Variants in CALB1 observed in about 807,000 individuals in gnomAD.
CALB1 encodes calbindin.
In CALB1, 16 loss-of-function variants were observed where a neutral mutation model predicts 46.7. The ratio of observed to expected loss-of-function variants is 0.34; its 90% confidence interval spans 0.23 to 0.52. The LOEUF (loss-of-function observed/expected upper bound fraction) is 0.52, where lower values mean the gene tolerates loss of function less well. Ranked by LOEUF, CALB1 falls within the 20% of genes least tolerant of loss-of-function variation. The pLI is 0.95. For missense variants in CALB1, 224 were observed against 300.3 expected (o/e 0.75, Z 1.88); for synonymous variants, 90 against 112.8 (o/e 0.80, Z 1.28).
rs368927419 is a variant in CALB1 at position 90,060,607 on chromosome 8, A to C, written c.672+22T>G. 59 of 1,593,820 alleles carry C rather than the reference A, an allele frequency of 3.7e-5. No homozygotes were observed. The African/African-American group carries it at 7.1e-4, about 19-fold the overall frequency. On this transcript the variant is annotated intron_variant, in intron 10 of 10. Coordinates refer to ENST00000265431, the MANE Select transcript of CALB1 (RefSeq NM_004929.4). ...TCCACAGAGTCTGCTTAAAGAAGTA[A>C]GTGCCATGGTAACTAAGTTACCTGT...
At chr8:90,060,778 G>T in intron 9 of CALB1, 78 bp from the exon 10 acceptor site, 1 of 1,182,830 alleles carries the variant, frequency 8.5e-7, no homozygotes. Flanking sequence ...GGAAATAATT[G>T]GAATCCTTAG....
At chr8:90,075,990 A>G (rs146242472) in intron 3 of CALB1, among the ~76,000 whole-genome samples, 130 of 152,188 alleles carry the variant, frequency 8.5e-4, no homozygotes, top group African/African-American at 2.6e-3. Flanking sequence ...TTCGGGCTTC[A>G]GTTTCTTCAT....
At chr8:90,072,918 G>A (rs1224322935) in intron 3 of CALB1, among the ~76,000 whole-genome samples, 1 of 152,112 alleles carries the variant, frequency 6.6e-6, no homozygotes, top group Non-Finnish European at 1.5e-5. Flanking sequence ...ATGAGTGGAA[G>A]GCAGGTAGCT....
At chr8:90,071,108 T>C (rs1302143450) in intron 3 of CALB1, among the ~76,000 whole-genome samples, 2 of 152,166 alleles carry the variant, frequency 1.3e-5, no homozygotes, top group East Asian at 3.9e-4. Flanking sequence ...TATTAGTAGA[T>C]TAAGTCAACA....
In CALB1 at chr8:90,078,268, A is replaced by G. The variant is rs988973548; in HGVS notation, c.231+105T>C. Reference sequence around the variant, plus strand: ...GATAATGTATTACTTAGGTAAAATAAACTGTACTGAATGGGTCTTGCTATA... The same window carrying G: ...GATAATGTATTACTTAGGTAAAATAGACTGTACTGAATGGGTCTTGCTATA... On this transcript the variant is annotated intron_variant, in intron 3 of 10. Coordinates refer to ENST00000265431, the MANE Select transcript of CALB1 (RefSeq NM_004929.4). 4.3e-5 allele frequency: 29 copies of G among 679,190 alleles called. No individual in the cohort carries two copies. In the African/African-American group the frequency reaches 5.3e-4, roughly 12 times the overall value. 42.1% of individuals were successfully genotyped at this position (679,190 alleles called of 1,614,324 possible).
At chr8:90,063,519 A>G (rs113668836) in intron 6 of CALB1, 58 bp from the exon 7 acceptor site, 1 of 1,400,284 alleles carries the variant, frequency 7.1e-7, no homozygotes, top group Middle Eastern at 2.1e-4. Context: ...TGCATGAAGG[A>G]GATGAACTTC....
chr8:90,077,101 C>A (rs890826300), intron 3 of CALB1, among the ~76,000 whole-genome samples: 1 of 151,850 alleles, frequency 6.6e-6, no homozygotes, highest in Non-Finnish European at 1.5e-5. Context: ...TTAGATTTAC[C>A]TCATCTCATT....
At chr8:90,069,705 G>A (rs1276669221) in intron 3 of CALB1, among the ~76,000 whole-genome samples, 1 of 152,134 alleles carries the variant, frequency 6.6e-6, no homozygotes, top group Non-Finnish European at 1.5e-5. Context: ...AGTGAAGGGG[G>A]AAAATGTATT....
chr8:90,073,755 C>G (rs1331782050), intron 3 of CALB1, among the ~76,000 whole-genome samples: 2 of 152,180 alleles, frequency 1.3e-5, no homozygotes, highest in Non-Finnish European at 2.9e-5. Flanking sequence ...AAATACTAGG[C>G]ACTGTGCTGG....
At chr8:90,080,223 A>G (rs1423654888) in intron 2 of CALB1, among the ~76,000 whole-genome samples, 1 of 151,940 alleles carries the variant, frequency 6.6e-6, no homozygotes, top group Non-Finnish European at 1.5e-5. Flanking sequence ...AGCTTTGAAT[A>G]TTCCAAAACA....
At chr8:90,082,233 AAGTGTAC>A (rs946283006) in intron 1 of CALB1, 131 bp from the exon 2 acceptor site, 35 of 763,628 alleles carry the variant, frequency 4.6e-5, no homozygotes, top group Non-Finnish European at 6.6e-5. Context: ...TTAACCAGCA[AAGTGTAC>A]AGACGGTGAA....
rs746096438 is a variant in CALB1 at position 90,065,995 on chromosome 8, T to C, written c.373-20A>G. On this transcript the variant is annotated intron_variant, in intron 5 of 10. Coordinates refer to ENST00000265431, the MANE Select transcript of CALB1 (RefSeq NM_004929.4). ...AAAGTTCTGTTAAAACAAAGAACAC[T>C]TAGATTAATTTCATTAATAATATAT... 22 of 1,453,844 alleles carry C rather than the reference T, an allele frequency of 1.5e-5. No individual in the cohort carries two copies. The South Asian group carries it at 2.1e-4, about 14-fold the overall frequency. 90.1% of individuals were successfully genotyped at this position (1,453,844 alleles called of 1,614,324 possible).
intron 9 of CALB1, chr8:90,060,956 T>A: frequency 2.3e-6 from 1 of 435,090 alleles, no homozygotes; most frequent in Non-Finnish European, 4.2e-6. Context: ...TGTAATTCAC[T>A]TAATGTTAAT....
At chr8:90,070,874 G>A (rs1563679176) in intron 3 of CALB1, among the ~76,000 whole-genome samples, 1 of 149,256 alleles carries the variant, frequency 6.7e-6, no homozygotes, top group Non-Finnish European at 1.5e-5. Flanking sequence ...GTGTGTGTGT[G>A]TGTGTGTGTT....
At chr8:90,060,887 C>G (rs865988143) in intron 9 of CALB1, 187 bp from the exon 10 acceptor site, 5 of 582,782 alleles carry the variant, frequency 8.6e-6, no homozygotes, top group Non-Finnish European at 1.5e-5. Context: ...GTATTAGTTA[C>G]TTCTCATTCA....
chr8:90,062,515 A>G (rs1814322191), intron 9 of CALB1: 1 of 152,070 alleles, frequency 6.6e-6, no homozygotes, highest in African/African-American at 2.4e-5. Flanking sequence ...TCAATTTAAA[A>G]AATGGGTTAA....
intron 2 of CALB1, among the ~76,000 whole-genome samples, chr8:90,078,705 C>A (rs1247001506): frequency 6.6e-6 from 1 of 151,914 alleles, no homozygotes; most frequent in African/African-American, 2.4e-5. Context: ...ACTATGCTAT[C>A]CTTTGAAAGT....
chr8:90,069,807 G>C (rs539225993), intron 3 of CALB1, among the ~76,000 whole-genome samples: 2 of 152,208 alleles, frequency 1.3e-5, no homozygotes, highest in East Asian at 1.9e-4. Flanking sequence ...CACCATGAAT[G>C]GTGGGGCGTT....
chr8:90,077,689 CT>C (rs565540954), intron 3 of CALB1, among the ~76,000 whole-genome samples: 55 of 152,142 alleles, frequency 3.6e-4, no homozygotes, highest in African/African-American at 1.3e-3. Flanking sequence ...ATCAGTTTTG[CT>C]TCCTTGATTC....
Sources: allele counts gnomAD v4.1 joint callset (sites outside exome capture counted in the v4.1 genomes callset), GRCh38; gene constraint gnomAD v4.1.1; transcripts MANE v1.5; gene names NCBI Gene and HGNC (gene_info 2026-07-23, HGNC 2026-07-21).